TOP1: variants seen among roughly 807,000 people sequenced by gnomAD.
The protein encoded by TOP1 is DNA topoisomerase 1.
TOP1 carries 10 observed loss-of-function variants against 111.1 expected under a neutral mutation model. The observed-to-expected ratio is 0.09, with a 90% confidence interval of 0.06 to 0.15. The LOEUF (loss-of-function observed/expected upper bound fraction) is 0.15. Among genes scored for constraint, TOP1 ranks in the 10% least tolerant of loss-of-function variants. The pLI, the probability that TOP1 is intolerant of heterozygous loss-of-function variation, is 1.00. For synonymous variants in TOP1, 271 were observed against 302.9 expected, an observed-to-expected ratio of 0.89 and a Z score of 1.10; for missense variants, 474 against 926.7, an observed-to-expected ratio of 0.51 and a Z score of 6.34.
intron 2 of TOP1, among the ~76,000 whole-genome samples, chr20:41,055,600 T>C (rs1032884128): frequency 2.0e-5 from 3 of 152,222 alleles, no homozygotes; most frequent in African/African-American, 7.2e-5. Context: ...CTTTATTCTG[T>C]ACAAGTTTCT....
intron 17 of TOP1, among the ~76,000 whole-genome samples, chr20:41,117,790 T>C (rs2034357736): frequency 6.6e-6 from 1 of 152,056 alleles, no homozygotes; most frequent in African/African-American, 2.4e-5. Flanking sequence ...CTTATGAATA[T>C]GGGCAACAAA....
chr20:41,069,821 ATGG>A lies in TOP1; in HGVS notation c.156-6346_156-6344del, dbSNP rs1331683383. Among the ~76,000 whole-genome samples, 1 of 152,180 alleles carries A rather than the reference ATGG, an allele frequency of 6.6e-6. No individual in the cohort carries two copies. The highest frequency in any genetic ancestry group is 2.4e-5 in the African/African-American group (1 of 41,442). On this transcript the variant is annotated intron_variant, in intron 3 of 20. Coordinates refer to ENST00000361337, the MANE Select transcript of TOP1 (RefSeq NM_003286.4). This position sits in a 1 kb window ranked among gnomAD's most constrained non-coding sequence, Gnocchi z 4.1. ...CCATAATCATTGTTTTTAAGATTTC[ATGG>A]TGGAGACAGCATTTGAGCTAGCCAT...
At chr20:41,049,571 A>C (rs940686537) in intron 2 of TOP1, among the ~76,000 whole-genome samples, 1 of 152,198 alleles carries the variant, frequency 6.6e-6, no homozygotes, top group African/African-American at 2.4e-5. Context: ...GTCCAGTGAA[A>C]CTTGGGCAGT....
At chr20:41,066,290 T>G (rs2033605976) in intron 3 of TOP1, among the ~76,000 whole-genome samples, 2 of 151,944 alleles carry the variant, frequency 1.3e-5, no homozygotes, top group African/African-American at 4.8e-5. Context: ...TTAGAAGAAA[T>G]CCTCATCCTT....
rs749925896 is a variant in TOP1, at chr20:41,029,397, T to C, written c.34-34T>C. ...TCGCCGCCGGAGGGGTTAAAGTGGC[T>C]GTTGTTTGATATTCTCTCCTTTTCT... On this transcript the variant is annotated intron_variant, in intron 1 of 20. Coordinates refer to ENST00000361337, the MANE Select transcript of TOP1 (RefSeq NM_003286.4). This position sits in a 1 kb window ranked among gnomAD's most constrained non-coding sequence, Gnocchi z 6.1. The C allele has an allele frequency of 4.8e-6, 7 of 1,453,726 alleles. No individual in the cohort carries two copies. In the East Asian group the frequency reaches 1.9e-4, roughly 39 times the overall value. The allele number at this position is 1,453,726 out of a possible 1,614,324, so 90.1% of individuals were successfully genotyped here.
chr20:41,060,972 G>A (rs6072260), intron 2 of TOP1, among the ~76,000 whole-genome samples: 1 of 152,234 alleles, frequency 6.6e-6, no homozygotes, highest in East Asian at 1.9e-4. Context: ...TTATTGTTTA[G>A]ACATTACACC....
Position 41,115,156 on chromosome 20 carries a change from G to T in TOP1, c.1639-215G>T, listed in dbSNP as rs919374588. On this transcript the variant is annotated intron_variant, in intron 15 of 20. Transcript: ENST00000361337. This position sits in a 1 kb window ranked among gnomAD's most constrained non-coding sequence, Gnocchi z 6.3. ...TAAATGGCTCAGAACAAACAATTAT[G>T]TATATATATCTGTAAATATACACAT... Among the ~76,000 whole-genome samples, 1 of 151,844 alleles carries T rather than the reference G, an allele frequency of 6.6e-6. No homozygotes were observed. The highest frequency in any genetic ancestry group is 1.5e-5 in the Non-Finnish European group (1 of 68,008).
chr20:41,107,268 A>G (rs530286466), intron 13 of TOP1, among the ~76,000 whole-genome samples: 76 of 152,362 alleles, frequency 5.0e-4, no homozygotes, highest in Non-Finnish European at 8.7e-4. Context: ...CTACAGTATT[A>G]CCAATCATTA....
At chr20:41,075,304 T>G (rs879716705) in intron 3 of TOP1, among the ~76,000 whole-genome samples, 9 of 152,172 alleles carry the variant, frequency 5.9e-5, no homozygotes, top group Non-Finnish European at 1.3e-4. Flanking sequence ...CCCGAGTAGC[T>G]GGGACTACAG....
intron 8 of TOP1, among the ~76,000 whole-genome samples, chr20:41,085,604 ATAGT>A (rs777523491): frequency 1.3e-5 from 2 of 152,272 alleles, no homozygotes; most frequent in African/African-American, 2.4e-5. Context: ...GACAGATTTA[ATAGT>A]TAGAATAAAA....
intron 13 of TOP1, among the ~76,000 whole-genome samples, chr20:41,107,988 C>T (rs1050965733): frequency 3.0e-4 from 45 of 152,302 alleles, no homozygotes; most frequent in African/African-American, 1.1e-3. Context: ...CCACATCCAG[C>T]CTAGAGCACT....
At chr20:41,076,558 T>A (rs892990616) in intron 4 of TOP1, among the ~76,000 whole-genome samples, 1 of 152,108 alleles carries the variant, frequency 6.6e-6, no homozygotes, top group African/African-American at 2.4e-5. Flanking sequence ...TTAGGGAAAA[T>A]TAATTGTTTT....
rs557929550 is a variant in TOP1 at position 41,095,640 on chromosome 20, C to T, written c.731-1580C>T. Among the ~76,000 whole-genome samples, 2 of 152,308 alleles carry T rather than the reference C, an allele frequency of 1.3e-5. No individual in the cohort carries two copies. The highest frequency in any genetic ancestry group is 4.1e-4 in the South Asian group (2 of 4,824). On this transcript the variant is annotated intron_variant, in intron 9 of 20. Coordinates refer to ENST00000361337, the MANE Select transcript of TOP1 (RefSeq NM_003286.4). This position sits in a 1 kb window ranked among gnomAD's most constrained non-coding sequence, Gnocchi z 4.6. The stretch of plus-strand genomic sequence containing the variant: ...TGTTTCAATATTGTGCTACAGTTCT[C>T]TACACCCCTGCAAAGTCAGATTGCA...
chr20:41,073,487 G>C (rs1414328473), intron 3 of TOP1: 2 of 984,968 alleles, frequency 2.0e-6, no homozygotes, highest in Non-Finnish European at 2.4e-6. Flanking sequence ...CTCCTCGATG[G>C]TAAAATAAAG....
Position 41,080,263 on chromosome 20 carries a change from C to T in TOP1, c.431+83C>T, listed in dbSNP as rs2033773915. 1.3e-6 allele frequency: 1 copy of T among 765,366 alleles called. No homozygotes were observed. The highest frequency in any genetic ancestry group is 2.1e-6 in the Non-Finnish European group (1 of 472,868). The allele number at this position is 765,366 out of a possible 1,614,324, so 47.4% of individuals were successfully genotyped here. ...AAATGTGATGTGTTTCTTTATAATA[C>T]ATATAGAAACTGCATTAATTGGCTT... On this transcript the variant is annotated intron_variant, in intron 6 of 20. Coordinates refer to ENST00000361337, the MANE Select transcript of TOP1 (RefSeq NM_003286.4). The surrounding 1 kb of genome is among the most constrained non-coding windows in gnomAD (Gnocchi z 5.0).
chr20:41,086,530 TC>T (rs1223781097), intron 8 of TOP1, among the ~76,000 whole-genome samples: 14 of 152,230 alleles, frequency 9.2e-5, no homozygotes, highest in Admixed American at 6.5e-5. Flanking sequence ...CCCTGCTGTC[TC>T]CCCTTTACTT....
intron 7 of TOP1, among the ~76,000 whole-genome samples, chr20:41,081,671 C>T (rs993003593): frequency 1.3e-5 from 2 of 152,190 alleles, no homozygotes; most frequent in Non-Finnish European, 2.9e-5. Context: ...ACCCCTTTGA[C>T]ATATAATTGA....
intron 2 of TOP1, among the ~76,000 whole-genome samples, chr20:41,047,165 C>T (rs2033344979): frequency 6.6e-6 from 1 of 152,230 alleles, no homozygotes; most frequent in Non-Finnish European, 1.5e-5. Flanking sequence ...CTGCAAACTA[C>T]ACCTGCTTTT....
rs2033499437 is a variant in TOP1, at chr20:41,058,293, A to G, written c.59-3101A>G. 6.6e-6 allele frequency among the ~76,000 whole-genome samples: 1 copy of G among 152,266 alleles called. No homozygotes were observed. Among genetic ancestry groups the G allele is most frequent in the East Asian group, 1.9e-4 (1 of 5,202 alleles). On this transcript the variant is annotated intron_variant, in intron 2 of 20. Transcript: ENST00000361337. This position sits in a 1 kb window ranked among gnomAD's most constrained non-coding sequence, Gnocchi z 4.2. The stretch of plus-strand genomic sequence containing the variant: ...GCTATAAAACATGTTGCCTCAAAAT[A>G]TAATAGCTTAAAACAACAGACACTT...
Sources: allele counts gnomAD v4.1 joint callset (sites outside exome capture counted in the v4.1 genomes callset), GRCh38; gene constraint gnomAD v4.1.1; non-coding constraint Gnocchi (gnomAD v3.1); transcripts MANE v1.5; gene names NCBI Gene and HGNC (gene_info 2026-07-23, HGNC 2026-07-21).